Variants in FAM114A1 observed in about 807,000 individuals in gnomAD.
The protein encoded by FAM114A1 is protein NOXP20.
Under a neutral mutation model 64.3 loss-of-function variants are expected in FAM114A1, and 62 were observed. The observed-to-expected ratio is 0.96, with a 90% CI of 0.79 to 1.19. The LOEUF (loss-of-function observed/expected upper bound fraction) is 1.19, where lower values mean the gene tolerates loss of function less well. Among genes scored for constraint, FAM114A1 ranks in the 50% most tolerant of loss-of-function variants. FAM114A1 has a pLI of 0.00. For synonymous variants in FAM114A1, 254 were observed against 251.1 expected, an observed-to-expected ratio of 1.01 and a Z score of -0.11; for missense variants, 645 against 676.3, an observed-to-expected ratio of 0.95 and a Z score of 0.51.
At chr4:38,871,086 CTTTTTTTTTT>C (rs9306968) in intron 2 of FAM114A1, among the ~76,000 whole-genome samples, 1 of 94,038 alleles carries the variant, frequency 1.1e-5, no homozygotes, top group African/African-American at 4.5e-5. Flanking sequence ...TTTTTTCTTT[CTTTTTTTTTT>C]TTTTTTTTTT....
chr4:38,936,864 C>G (rs946914582), intron 13 of FAM114A1, among the ~76,000 whole-genome samples: 2 of 152,176 alleles, frequency 1.3e-5, no homozygotes. Context: ...TAAGAGTTTT[C>G]TTTGCTTCAT....
In FAM114A1 at chr4:38,924,237, C is replaced by T. The variant is rs565820819; in HGVS notation, c.1069+1344C>T. Among the ~76,000 whole-genome samples, 22 of 152,202 alleles carry T rather than the reference C, an allele frequency of 1.4e-4. No homozygotes were observed. The South Asian group carries it at 4.4e-3, about 30-fold the overall frequency. ...ATATCTAAAAACATATATTACAGTGCCTGGCACACAGAACTGCTCGAAAAT... is the reference window on the plus strand; with the variant it reads ...ATATCTAAAAACATATATTACAGTGTCTGGCACACAGAACTGCTCGAAAAT... On this transcript the variant is annotated intron_variant, in intron 9 of 14. Coordinates refer to ENST00000358869, the MANE Select transcript of FAM114A1 (RefSeq NM_138389.4).
intron 7 of FAM114A1, among the ~76,000 whole-genome samples, chr4:38,910,052 G>A (rs1422210360): frequency 6.6e-6 from 1 of 152,046 alleles, no homozygotes; most frequent in Non-Finnish European, 1.5e-5. Flanking sequence ...GGCCAAGATG[G>A]TGAAACCCTG....
chr4:38,891,656 A>C, intron 3 of FAM114A1, 87 bp from the exon 4 acceptor site: 1 of 1,171,154 alleles, frequency 8.5e-7, no homozygotes, highest in Non-Finnish European at 1.2e-6. Context: ...TCTTTTCCAA[A>C]CCTCCTCTTT....
chr4:38,908,809 T>A, intron 7 of FAM114A1, 83 bp downstream of exon 7: 1 of 1,309,844 alleles, frequency 7.6e-7, no homozygotes, highest in Non-Finnish European at 1.0e-6. Context: ...ATAGCTCATT[T>A]AAAGCATGTG....
chr4:38,931,055 G>A (rs916016398), intron 10 of FAM114A1, among the ~76,000 whole-genome samples: 5 of 151,958 alleles, frequency 3.3e-5, no homozygotes, highest in East Asian at 1.9e-4. Flanking sequence ...CTGTAGCCGC[G>A]GCCCCATGGC....
intron 3 of FAM114A1, among the ~76,000 whole-genome samples, chr4:38,881,027 A>G (rs1261503939): frequency 6.6e-6 from 1 of 152,024 alleles, no homozygotes; most frequent in Non-Finnish European, 1.5e-5. Flanking sequence ...TCTACTAAAA[A>G]CACAAAAATT....
chr4:38,931,368 A>G (rs1036807128), intron 10 of FAM114A1, 83 bp from the exon 11 acceptor site: 1 of 1,478,662 alleles, frequency 6.8e-7, no homozygotes, highest in East Asian at 2.3e-5. Context: ...GCTTAGAGAC[A>G]CTTGATTCTA....
chr4:38,890,398 T>A (rs1418032379), intron 3 of FAM114A1, among the ~76,000 whole-genome samples: 1 of 125,522 alleles, frequency 8.0e-6, no homozygotes, highest in Non-Finnish European at 1.7e-5. Context: ...CAAGACTCCG[T>A]CTCAAAAAAA....
chr4:38,878,444 A>G lies in FAM114A1; in HGVS notation c.348+18A>G. 1 of 1,548,696 alleles carries G rather than the reference A, an allele frequency of 6.5e-7. No homozygotes were observed. The highest frequency in any genetic ancestry group is 8.7e-7 in the Non-Finnish European group (1 of 1,145,810). On this transcript the variant is annotated intron_variant, in intron 3 of 14. Coordinates refer to ENST00000358869, the MANE Select transcript of FAM114A1 (RefSeq NM_138389.4). The stretch of plus-strand genomic sequence containing the variant: ...ATTATCTGGTAAGAATGGGTCATTC[A>G]ATTCACTTCGGCCTAAGTTCTTGCT...
In FAM114A1 at chr4:38,943,556, G is replaced by T; in HGVS notation, c.1691G>T (p.Ter564LeuextTer8). 1 of 1,613,396 alleles carries T rather than the reference G, an allele frequency of 6.2e-7. No homozygotes were observed. The highest frequency in any genetic ancestry group is 1.1e-5 in the South Asian group (1 of 91,000). Residue 564 changes from the stop codon to leucine, a stop_lost, in exon 15 of 15, where the codon TGA becomes TTA. Coordinates refer to ENST00000358869, the MANE Select transcript of FAM114A1 (RefSeq NM_138389.4). ...ACCAGTTGTTTGAAAGCACAGCCGT[G>T]ACCTGGCCAGACTCCATCTAGTTAA... ...IQTSCLKAQP[*>L]
At chr4:38,874,075 T>A (rs55860365) in intron 2 of FAM114A1, among the ~76,000 whole-genome samples, 6 of 151,994 alleles carry the variant, frequency 3.9e-5, no homozygotes, top group African/African-American at 1.5e-4. Flanking sequence ...GGCCACTGAC[T>A]GAATGTAAGA....
chr4:38,885,432 C>A (rs906276414), intron 3 of FAM114A1, among the ~76,000 whole-genome samples: 2 of 151,930 alleles, frequency 1.3e-5, no homozygotes, highest in Non-Finnish European at 2.9e-5. Flanking sequence ...CATGCCACCA[C>A]GCCTGGCTAA....
intron 12 of FAM114A1, among the ~76,000 whole-genome samples, chr4:38,934,667 G>C (rs538241538): frequency 6.6e-6 from 1 of 152,212 alleles, no homozygotes; most frequent in African/African-American, 2.4e-5. Flanking sequence ...ATCATCCATA[G>C]TGTTAGGATA....
rs1721741133 is a variant in FAM114A1 at position 38,943,538 on chromosome 4, G to A, written c.1673G>A (p.Cys558Tyr). 1 of 1,614,006 alleles carries A rather than the reference G, an allele frequency of 6.2e-7. No individual in the cohort carries two copies. Residue 558 changes from cysteine (C) to tyrosine (Y), a missense_variant, in exon 15 of 15, where the codon TGT (cysteine) becomes TAT (tyrosine). Cys to Tyr is a radical substitution (Grantham distance 194, BLOSUM62 -2). Transcript: ENST00000358869. ...CAGGTCTCACATATCCAGACCAGTTGTTTGAAAGCACAGCCGTGACCTGGC... is the reference window on the plus strand; with the variant it reads ...CAGGTCTCACATATCCAGACCAGTTATTTGAAAGCACAGCCGTGACCTGGC... ...VLQVSHIQTS[C>Y]LKAQP
chr4:38,919,478 CT>C (rs1450431202), intron 8 of FAM114A1, among the ~76,000 whole-genome samples: 2 of 152,332 alleles, frequency 1.3e-5, no homozygotes, highest in African/African-American at 4.8e-5. Context: ...CACCATCCCA[CT>C]GTCAGGAGCA....
At chr4:38,892,929 TG>T (rs1346800703) in intron 4 of FAM114A1, among the ~76,000 whole-genome samples, 1 of 152,264 alleles carries the variant, frequency 6.6e-6, no homozygotes, top group Admixed American at 6.5e-5. Flanking sequence ...ATTCCATCTC[TG>T]TCAAATATCA....
chr4:38,892,878 G>C (rs888349328), intron 4 of FAM114A1, among the ~76,000 whole-genome samples: 2 of 152,234 alleles, frequency 1.3e-5, no homozygotes, highest in African/African-American at 2.4e-5. Flanking sequence ...ACTTGACAGA[G>C]CTTAGGCTGC....
chr4:38,937,661 A>G (rs1721222338), intron 13 of FAM114A1, among the ~76,000 whole-genome samples: 1 of 152,270 alleles, frequency 6.6e-6, no homozygotes, highest in East Asian at 1.9e-4. Flanking sequence ...AAAAATTTAG[A>G]CAGAAAGGAG....
Sources: allele counts gnomAD v4.1 joint callset (sites outside exome capture counted in the v4.1 genomes callset), GRCh38; gene constraint gnomAD v4.1.1; transcripts MANE v1.5; gene names NCBI Gene and HGNC (gene_info 2026-07-23, HGNC 2026-07-21).